The following IKBKE variants were observed in gnomAD, a reference collection of about 807,000 sequenced individuals.
IKBKE encodes inhibitor of nuclear factor kappa-B kinase subunit epsilon.
Under a neutral mutation model 92.1 loss-of-function variants are expected in IKBKE, and 45 were observed. The ratio of observed to expected loss-of-function variants is 0.49; its 90% CI spans 0.38 to 0.63. IKBKE has a LOEUF of 0.63. IKBKE is among the 20% of genes least tolerant of loss of function. IKBKE has a pLI of 0.00. For synonymous variants in IKBKE, 374 were observed against 380.3 expected (o/e 0.98, Z 0.19); for missense variants, 700 against 932.8 (o/e 0.75, Z 3.25).
intron 13 of IKBKE, 100 bp downstream of exon 13, chr1:206,480,633 G>A: frequency 3.4e-6 from 3 of 875,036 alleles, no homozygotes; most frequent in Non-Finnish European, 3.7e-6. Context: ...CCCCAAGCCA[G>A]GGCTACTGCC....
chr1:206,496,198 C>T lies in IKBKE; in HGVS notation c.*53C>T. On this transcript the variant is annotated 3_prime_UTR_variant, in exon 22 of 22. Transcript: ENST00000581977. ...AAGCATTAGAATGATTCCAACACTGCTCTTCTGCACCATGAGACCAACCCA... is the reference window on the plus strand; with the variant it reads ...AAGCATTAGAATGATTCCAACACTGTTCTTCTGCACCATGAGACCAACCCA... The T allele has an allele frequency of 2.0e-6, 3 of 1,473,938 alleles. No homozygotes were observed. The highest frequency in any genetic ancestry group is 2.9e-6 in the Non-Finnish European group (3 of 1,051,910). 91.3% of individuals were successfully genotyped at this position (1,473,938 alleles called of 1,614,324 possible).
At chr1:206,486,810 G>A (rs1223300572) in intron 15 of IKBKE, among the ~76,000 whole-genome samples, 7 of 151,502 alleles carry the variant, frequency 4.6e-5, no homozygotes, top group African/African-American at 1.7e-4. Flanking sequence ...CCTGTCTTTT[G>A]GATGAAGGCT....
chr1:206,474,322 C>A lies in IKBKE; in HGVS notation c.88-9C>A. 6.2e-7 allele frequency: 1 copy of A among 1,609,896 alleles called. No homozygotes were observed. Among genetic ancestry groups the A allele is most frequent in the South Asian group, 1.1e-5 (1 of 90,634 alleles). On this transcript the variant is annotated splice_polypyrimidine_tract_variant and intron_variant, in intron 3 of 21. Transcript: ENST00000581977. Reference sequence around the variant, plus strand: ...ATGCTGTCTCCCACTGCTCCCTCCCCAATGGCAGAAATCCGGAGAGCTGGT... The same window carrying A: ...ATGCTGTCTCCCACTGCTCCCTCCCAAATGGCAGAAATCCGGAGAGCTGGT...
chr1:206,492,806 T>C (rs781966250), intron 18 of IKBKE: 8 of 666,878 alleles, frequency 1.2e-5, no homozygotes, highest in African/African-American at 1.8e-5. Flanking sequence ...ACTACGGCTC[T>C]GAAGGGGGCC....
At chr1:206,486,216 T>C (rs1198433416) in intron 15 of IKBKE, among the ~76,000 whole-genome samples, 2 of 152,272 alleles carry the variant, frequency 1.3e-5, no homozygotes, top group Non-Finnish European at 2.9e-5. Flanking sequence ...CATTCCACAA[T>C]ACACTGTGTG....
At position 206,485,319 on chromosome 1, in the gene IKBKE, T is replaced by G. The variant is rs1553388342; in HGVS notation, c.1616+13T>G. 2 of 1,562,636 alleles carry G rather than the reference T, an allele frequency of 1.3e-6. No homozygotes were observed. The highest frequency in any genetic ancestry group is 1.1e-5 in the South Asian group (1 of 90,022). On this transcript the variant is annotated intron_variant, in intron 15 of 21. Transcript: ENST00000581977. The surrounding 1 kb of genome is among the most constrained non-coding windows in gnomAD (Gnocchi z 5.0). ...ATGAGGACAGAAGGTCTGTGGGATT[T>G]TCCTTCTTTGTGGGGTGGGAGTGGG... is the stretch of plus-strand genomic sequence containing the variant.
chr1:206,474,674 C>G (rs935044306), intron 4 of IKBKE, 191 bp from the exon 5 acceptor site: 1 of 798,258 alleles, frequency 1.3e-6, no homozygotes, highest in Non-Finnish European at 1.9e-6. Flanking sequence ...AGTACCTAAG[C>G]AGAGGGCTTC....
rs1553392035 is a variant in IKBKE at position 206,496,157 on chromosome 1, C to T, written c.*12C>T. The T allele has an allele frequency of 2.5e-6, 4 of 1,607,112 alleles. No individual in the cohort carries two copies. The highest frequency in any genetic ancestry group is 3.4e-6 in the Non-Finnish European group (4 of 1,173,678). ...CTCCTGATGTCTGAGCTCCATGGGG[C>T]ACATGAGGCATCCTGAAGCATTAGA... On this transcript the variant is annotated 3_prime_UTR_variant, in exon 22 of 22. Transcript: ENST00000581977.
rs782557888 is a variant in IKBKE, at chr1:206,485,291, T to C, written c.1601T>C (p.Val534Ala). 1.9e-6 allele frequency: 3 copies of C among 1,607,782 alleles called. No homozygotes were observed. Among genetic ancestry groups the C allele is most frequent in the Admixed American group, 1.7e-5 (1 of 59,994 alleles). The change falls in exon 15 of 22, where the codon GTA becomes GCA. Residue 534 changes from valine (V) to alanine (A), a missense_variant. By Grantham distance (64) the Val-to-Ala change is moderately conservative. Transcript: ENST00000581977. This position sits in a 1 kb window ranked among gnomAD's most constrained non-coding sequence, Gnocchi z 5.0. ...NRELVKSRDQ[V>A]HEDRSIQQIQ... is the part of the protein sequence containing the mutation. Reference sequence around the variant, plus strand: ...GAGCTGGTGAAGAGCCGGGATCAGGTACATGAGGACAGAAGGTCTGTGGGA... The same window carrying C: ...GAGCTGGTGAAGAGCCGGGATCAGGCACATGAGGACAGAAGGTCTGTGGGA...
At chr1:206,472,841 C>T in intron 2 of IKBKE, 1 of 273,208 alleles carries the variant, frequency 3.7e-6, no homozygotes, top group Non-Finnish European at 7.0e-6. Context: ...GATGCCAAAA[C>T]CCCAGAATCT....
intron 2 of IKBKE, among the ~76,000 whole-genome samples, chr1:206,472,291 G>A (rs1664818587): frequency 6.6e-6 from 1 of 152,050 alleles, no homozygotes; most frequent in Non-Finnish European, 1.5e-5. Flanking sequence ...GTATTTAAAG[G>A]ATGGTGGCCC....
chr1:206,478,093 A>G lies in IKBKE; in HGVS notation c.813-67A>G. On this transcript the variant is annotated intron_variant, in intron 8 of 21. Transcript: ENST00000581977. This position sits in a 1 kb window ranked among gnomAD's most constrained non-coding sequence, Gnocchi z 4.8. ...CAGGATATTCTCTTAGAACGCTCCT[A>G]TTGCCTGCTTAAGGAGGATAGGTCT... The G allele has an allele frequency of 2.2e-6, 3 of 1,383,766 alleles. No homozygotes were observed. The highest frequency in any genetic ancestry group is 1.2e-5 in the South Asian group (1 of 83,426). 85.7% of individuals were successfully genotyped at this position (1,383,766 alleles called of 1,614,324 possible).
chr1:206,494,886 G>A (rs1666146467), intron 21 of IKBKE, among the ~76,000 whole-genome samples: 2 of 149,390 alleles, frequency 1.3e-5, no homozygotes, highest in Admixed American at 1.4e-4. Flanking sequence ...TTACAGACAT[G>A]AACCACTGCG....
intron 2 of IKBKE, among the ~76,000 whole-genome samples, chr1:206,472,520 C>T (rs1553384054): frequency 6.6e-6 from 1 of 151,814 alleles, no homozygotes; most frequent in Non-Finnish European, 1.5e-5. Flanking sequence ...TCCCCTATAC[C>T]CTGCTCTCAC....
chr1:206,489,120 G>T (rs41299253), intron 16 of IKBKE, among the ~76,000 whole-genome samples: 1 of 151,394 alleles, frequency 6.6e-6, no homozygotes, highest in Non-Finnish European at 1.5e-5. Context: ...GCTCACTGTC[G>T]CCTCAACCTC....
At position 206,485,551 on chromosome 1, in the gene IKBKE, G is replaced by A. The variant is rs1558480819; in HGVS notation, c.1616+245G>A. Among the ~76,000 whole-genome samples, 2 of 152,176 alleles carry A rather than the reference G, an allele frequency of 1.3e-5. No individual in the cohort carries two copies. The highest frequency in any genetic ancestry group is 1.3e-4 in the Admixed American group (2 of 15,278). ...CATCTTGGAGTTTGAGGAATGCCTC[G>A]GGAATCTTAGCAGGTGCTATAATTC... On this transcript the variant is annotated intron_variant, in intron 15 of 21. Transcript: ENST00000581977. The surrounding 1 kb of genome is among the most constrained non-coding windows in gnomAD (Gnocchi z 5.0).
chr1:206,480,673 C>T lies in IKBKE; in HGVS notation c.1427+140C>T, dbSNP rs148777319. The T allele has an allele frequency of 4.0e-4, 274 of 676,846 alleles. 3 individuals are homozygous for T. The highest frequency in any genetic ancestry group is 1.7e-3 in the Middle Eastern group (7 of 4,152). 41.9% of individuals were successfully genotyped at this position (676,846 alleles called of 1,614,324 possible). A position where few individuals can be genotyped will look rare whatever the true frequency, so the allele number is the denominator to read the frequency against. On this transcript the variant is annotated intron_variant, in intron 13 of 21. Transcript: ENST00000581977. ...CTGCCCTCCTAGAATAGAGGGCACC[C>T]GCACCCTATCCCTTATCCCCACCTC...
In IKBKE at chr1:206,496,475, C is replaced by T. The variant is rs1429355426; in HGVS notation, c.*330C>T. On this transcript the variant is annotated 3_prime_UTR_variant, in exon 22 of 22. Transcript: ENST00000581977. ...GCCGTGGGGAGAAGAAGCTCTCATACGCCTTCCCACTCCCTCTGGTTTATA... is the reference window on the plus strand; with the variant it reads ...GCCGTGGGGAGAAGAAGCTCTCATATGCCTTCCCACTCCCTCTGGTTTATA... The T allele has an allele frequency of 1.3e-5, 5 of 377,360 alleles. No homozygotes were observed. The highest frequency in any genetic ancestry group is 7.0e-4 in the Middle Eastern group (1 of 1,420). The allele number at this position is 377,360 out of a possible 1,614,324, so 23.4% of individuals were successfully genotyped here.
chr1:206,492,735 G>T (rs1306053507), intron 18 of IKBKE: 2 of 571,088 alleles, frequency 3.5e-6, no homozygotes, highest in South Asian at 3.1e-5. Flanking sequence ...CTGGTGCCAC[G>T]CTCACCATAG....
Sources: gnomAD v4.1 joint callset for allele counts (sites outside exome capture counted in the v4.1 genomes callset) on GRCh38, gnomAD v4.1.1 for gene constraint, Gnocchi (gnomAD v3.1) non-coding constraint, MANE v1.5 for transcripts, NCBI Gene and HGNC (gene_info 2026-07-23, HGNC 2026-07-21) for gene names.